MGAM2: variants seen among roughly 807,000 people sequenced by gnomAD.
The protein encoded by MGAM2 is maltase-glucoamylase 2 (putative), also known as probable maltase-glucoamylase 2.
In MGAM2, 98 loss-of-function variants were observed where a neutral mutation model predicts 96.1. The ratio of observed to expected loss-of-function variants is 1.02; its 90% CI spans 0.87 to 1.21. The LOEUF is 1.21. MGAM2 is among the 50% of genes most tolerant of loss of function. The pLI is 0.00. For synonymous variants in MGAM2, 749 were observed against 414.8 expected (o/e 1.81, Z -9.79); for missense variants, 2,055 against 1,182.4 (o/e 1.74, Z -10.82).
Position 142,137,543 on chromosome 7 carries a change from G to A in MGAM2, c.958G>A (p.Glu320Lys). ...AGAACAAGTGGTTCAGGAATACTTG[G>A]AGGTATGTCTTTGCATTTAGATAGT... ...TPEQVVQEYL[E>K]LVGRPFFPPY... Residue 320 changes from glutamate to lysine, a missense_variant and splice_region_variant, in exon 9 of 48, where the codon GAG becomes AAG. Transcript: ENST00000477922. 1.4e-6 allele frequency: 1 copy of A among 695,776 alleles called. No individual in the cohort carries two copies. Among genetic ancestry groups the A allele is most frequent in the South Asian group, 1.5e-5 (1 of 66,400 alleles). 43.1% of individuals were successfully genotyped at this position (695,776 alleles called of 1,614,324 possible). A position where few individuals can be genotyped will look rare whatever the true frequency, so the allele number is the denominator to read the frequency against.
chr7:142,160,247 C>T lies in MGAM2; in HGVS notation c.2334C>T (p.Thr778=), dbSNP rs1158677045. 8 of 700,292 alleles carry T rather than the reference C, an allele frequency of 1.1e-5. No individual in the cohort carries two copies. Among genetic ancestry groups the T allele is most frequent in the African/African-American group, 5.3e-5 (3 of 57,112 alleles). The allele number at this position is 700,292 out of a possible 1,614,324, so 43.4% of individuals were successfully genotyped here. A position where few individuals can be genotyped will look rare whatever the true frequency, so the allele number is the denominator to read the frequency against. The change falls in exon 21 of 48, where the codon ACC becomes ACT. Residue 778 remains threonine (T), a synonymous_variant. Transcript: ENST00000477922. The stretch of plus-strand genomic sequence containing the variant: ...TTCCCACTCAGAAGCCAAACACAAC[C>T]ACAGAAGCCAGGTAAGCTCCTTACT... The part of the protein sequence containing the change: ...YIFPTQKPNT[T]TEASRRNSLG...
In MGAM2 at chr7:142,221,470, C is replaced by T. The variant is rs1382984037; in HGVS notation, c.6959C>T (p.Thr2320Ile). 8.7e-6 allele frequency: 5 copies of T among 575,786 alleles called. No individual in the cohort carries two copies. Among genetic ancestry groups the T allele is most frequent in the Non-Finnish European group, 1.5e-5 (5 of 325,426 alleles). The allele number at this position is 575,786 out of a possible 1,614,324, so 35.7% of individuals were successfully genotyped here. A position where few individuals can be genotyped will look rare whatever the true frequency, so the allele number is the denominator to read the frequency against. Residue 2320 changes from threonine (T) to isoleucine (I), a missense_variant, in exon 48 of 48, where the codon ACA (threonine) becomes ATA (isoleucine). Thr to Ile is a moderately conservative substitution (Grantham distance 89, BLOSUM62 -1). Coordinates refer to ENST00000477922, the MANE Select transcript of MGAM2 (RefSeq NM_001293626.2). ...ACTTCTATTTTGAGCATGTTTCCAA[C>T]AAGTAATACATTCACTACTGATAAA... is the stretch of plus-strand genomic sequence containing the variant. ...SITSILSMFP[T>I]SNTFTTDKIT... is the part of the protein sequence containing the mutation.
In MGAM2 at chr7:142,161,215, TAG is replaced by T. The variant is rs1339899385; in HGVS notation, c.2434+4_2434+5del. ...ACTGGGATGACGGTGTATCTAAAGG[TAG>T]ACTTTCTCAAGGCACCATCCCTGTG... On this transcript the variant is annotated splice_donor_region_variant and intron_variant, in intron 22 of 47. Transcript: ENST00000477922. 8 of 702,018 alleles carry T rather than the reference TAG, an allele frequency of 1.1e-5. No homozygotes were observed. The highest frequency in any genetic ancestry group is 1.8e-5 in the Non-Finnish European group (7 of 384,492). The allele number at this position is 702,018 out of a possible 1,614,324, so 43.5% of individuals were successfully genotyped here.
rs1316605937 is a variant in MGAM2, at chr7:142,144,916, A to G, written c.1487A>G (p.Asn496Ser). ...LQASNNQCES[N>S]NLNFPPFLPR... Reference sequence around the variant, plus strand: ...GCTTCTAATAACCAGTGTGAATCCAACAACTTGAACTTTCCTCCTTTTCTT... The same window carrying G: ...GCTTCTAATAACCAGTGTGAATCCAGCAACTTGAACTTTCCTCCTTTTCTT... Residue 496 changes from asparagine (N) to serine (S), a missense_variant, in exon 14 of 48, where the codon AAC (asparagine) becomes AGC (serine). By Grantham distance (46) the Asn-to-Ser change is conservative. Coordinates refer to ENST00000477922, the MANE Select transcript of MGAM2 (RefSeq NM_001293626.2). 7.1e-6 allele frequency: 5 copies of G among 702,756 alleles called. No homozygotes were observed. In the Admixed American group the frequency reaches 1.0e-4, roughly 14 times the overall value. The allele number at this position is 702,756 out of a possible 1,614,324, so 43.5% of individuals were successfully genotyped here.
At chr7:142,202,051 A>G (rs1180851151) in intron 45 of MGAM2, among the ~76,000 whole-genome samples, 2 of 152,328 alleles carry the variant, frequency 1.3e-5, no homozygotes, top group Admixed American at 1.3e-4. Context: ...ATTTTTGCTA[A>G]GTGAAAGATG....
chr7:142,153,373 TGTTA>T (rs1351471173), intron 15 of MGAM2, among the ~76,000 whole-genome samples: 7 of 152,262 alleles, frequency 4.6e-5, no homozygotes, highest in African/African-American at 1.4e-4. Context: ...ATATTTTCTA[TGTTA>T]GTTGTTTTTA....
chr7:142,181,542 T>C (rs1054057151), intron 32 of MGAM2, among the ~76,000 whole-genome samples: 1 of 152,186 alleles, frequency 6.6e-6, no homozygotes, highest in African/African-American at 2.4e-5. Context: ...CCCAAGTCCA[T>C]TTTTGGTGCT....
chr7:142,168,668 C>T (rs926856035), intron 26 of MGAM2, among the ~76,000 whole-genome samples: 17 of 152,096 alleles, frequency 1.1e-4, no homozygotes, highest in Non-Finnish European at 2.2e-4. Context: ...TTAAAAAATA[C>T]GTCTACTGGA....
At chr7:142,123,069 C>A (rs966292468) in intron 3 of MGAM2, among the ~76,000 whole-genome samples, 1 of 152,084 alleles carries the variant, frequency 6.6e-6, no homozygotes, top group African/African-American at 2.4e-5. Context: ...TAATCCACCC[C>A]CTTCAGCCTC....
intron 15 of MGAM2, among the ~76,000 whole-genome samples, chr7:142,149,157 A>G (rs1326489803): frequency 1.3e-5 from 2 of 151,750 alleles, no homozygotes; most frequent in African/African-American, 4.8e-5. Flanking sequence ...TGAACCCGGG[A>G]GACGGAGGTT....
intron 15 of MGAM2, among the ~76,000 whole-genome samples, chr7:142,149,762 C>T (rs577613563): frequency 6.6e-6 from 1 of 151,650 alleles, no homozygotes; most frequent in Admixed American, 6.6e-5. Flanking sequence ...AGGATGGTCT[C>T]CATCTCCTGA....
Position 142,193,159 on chromosome 7 carries a change from C to T in MGAM2, c.4347-2995C>T, listed in dbSNP as rs114697999. ...ATATATATATTTTTTAATTCCCATA[C>T]ACCTTGATGTTTCTCCCTTTACCAA... On this transcript the variant is annotated intron_variant, in intron 37 of 47. Coordinates refer to ENST00000477922, the MANE Select transcript of MGAM2 (RefSeq NM_001293626.2). 2.0e-3 allele frequency among the ~76,000 whole-genome samples: 311 copies of T among 152,244 alleles called. 3 individuals are homozygous for T. Among genetic ancestry groups the T allele is most frequent in the African/African-American group, 6.9e-3 (287 of 41,542 alleles).
intron 6 of MGAM2, among the ~76,000 whole-genome samples, 152 bp downstream of exon 6, chr7:142,132,237 T>C (rs1794910180): frequency 6.6e-6 from 1 of 151,366 alleles, no homozygotes; most frequent in South Asian, 2.1e-4. Context: ...AAAATAACAG[T>C]GTTAGCCTAT....
intron 46 of MGAM2, among the ~76,000 whole-genome samples, chr7:142,211,099 C>T (rs560970142): frequency 9.4e-4 from 143 of 152,298 alleles, no homozygotes; most frequent in African/African-American, 3.3e-3. Context: ...GAAGAGGGGC[C>T]TGACTATTAG....
Position 142,131,568 on chromosome 7 carries a change from G to T in MGAM2, c.361G>T (p.Asp121Tyr). The T allele has an allele frequency of 1.4e-6, 1 of 703,036 alleles. No homozygotes were observed. The highest frequency in any genetic ancestry group is 2.7e-5 in the East Asian group (1 of 37,292). 43.5% of individuals were successfully genotyped at this position (703,036 alleles called of 1,614,324 possible). ...GCCATCACCATCTCTGTTTGGAAAT[G>T]ATGTCGCCACCACCCTTTTCACAGC... ...RLPSPSLFGN[D>Y]VATTLFTAEY... is the part of the protein sequence containing the mutation. The change falls in exon 5 of 48, where the codon GAT becomes TAT. Residue 121 changes from aspartate (D) to tyrosine (Y), a missense_variant. Asp to Tyr is a radical substitution (Grantham distance 160). Transcript: ENST00000477922.
intron 45 of MGAM2, among the ~76,000 whole-genome samples, chr7:142,203,624 A>G (rs779843134): frequency 3.2e-4 from 48 of 152,180 alleles, no homozygotes; most frequent in Admixed American, 1.0e-3. Context: ...AGTAACCAAA[A>G]TAGCATAGTA....
rs1156679624 is a variant in MGAM2 at position 142,116,897 on chromosome 7, G to T, written c.24G>T (p.Leu8Phe). The T allele has an allele frequency of 1.4e-6, 1 of 703,462 alleles. No individual in the cohort carries two copies. Among genetic ancestry groups the T allele is most frequent in the Admixed American group, 2.0e-5 (1 of 50,010 alleles). The allele number at this position is 703,462 out of a possible 1,614,324, so 43.6% of individuals were successfully genotyped here. A position where few individuals can be genotyped will look rare whatever the true frequency, so the allele number is the denominator to read the frequency against. ...AGATGGCGAGGAAGCTCAGTGTATTGGAAGTCCTTCTGATCATCTTCTGCT... is the reference window on the plus strand; with the variant it reads ...AGATGGCGAGGAAGCTCAGTGTATTTGAAGTCCTTCTGATCATCTTCTGCT... The part of the protein sequence containing the change: MARKLSV[L>F]EVLLIIFCLI... The change falls in exon 2 of 48, where the codon TTG (leucine) becomes TTT (phenylalanine). Residue 8 changes from leucine to phenylalanine, a missense_variant. Physicochemically the swap from Leu to Phe is conservative, Grantham distance 22. Coordinates refer to ENST00000477922, the MANE Select transcript of MGAM2 (RefSeq NM_001293626.2).
At chr7:142,136,931 G>A (rs1449784387) in intron 8 of MGAM2, among the ~76,000 whole-genome samples, 2 of 152,076 alleles carry the variant, frequency 1.3e-5, no homozygotes, top group African/African-American at 4.8e-5. Flanking sequence ...AATATCTGTA[G>A]ATTTCAACGT....
At chr7:142,215,959 A>T (rs1563300716) in intron 46 of MGAM2, among the ~76,000 whole-genome samples, 1 of 152,098 alleles carries the variant, frequency 6.6e-6, no homozygotes. Context: ...GATGGCATAG[A>T]CTTCCATGTT....
Sources: gnomAD v4.1 joint callset for allele counts (sites outside exome capture counted in the v4.1 genomes callset) on GRCh38, gnomAD v4.1.1 for gene constraint, MANE v1.5 for transcripts, NCBI Gene and HGNC (gene_info 2026-07-23, HGNC 2026-07-21) for gene names.